CRTAC1: variants seen among roughly 807,000 people sequenced by gnomAD.
The protein encoded by CRTAC1 is cartilage acidic protein 1.
In CRTAC1, 37 loss-of-function variants were observed where a neutral mutation model predicts 67.8. That is an observed-to-expected ratio of 0.55 (90% CI 0.42 to 0.72). The LOEUF (loss-of-function observed/expected upper bound fraction) is 0.72. Ranked by LOEUF, CRTAC1 falls within the 30% of genes least tolerant of loss-of-function variation. CRTAC1 has a pLI of 0.00. For missense variants in CRTAC1, 780 were observed against 931.6 expected (o/e 0.84, Z 2.12); for synonymous variants, 348 against 371.0 (o/e 0.94, Z 0.71).
chr10:97,919,771 C>CT lies in CRTAC1; in HGVS notation c.559-2116dup, dbSNP rs769852925. Among the ~76,000 whole-genome samples, 157 of 106,308 alleles carry CT rather than the reference C, an allele frequency of 1.5e-3. 5 individuals are homozygous for CT. The highest frequency in any genetic ancestry group is 2.3e-3 in the African/African-American group (63 of 27,696). 69.7% of individuals were successfully genotyped at this position (106,308 alleles called of 152,430 possible). On this transcript the variant is annotated intron_variant, in intron 4 of 14. Transcript: ENST00000370597. ...GAGATGCACTGCTTTACAGTACAGC[C>CT]TTTTTTTTTTTTTTTAAGACAGGGT...
chr10:97,879,181 CAA>C (rs1451798726), intron 14 of CRTAC1, among the ~76,000 whole-genome samples: 1 of 152,120 alleles, frequency 6.6e-6, no homozygotes, highest in African/African-American at 2.4e-5. Flanking sequence ...ACATTTTTAT[CAA>C]GAGTCCCAAA....
At chr10:97,990,852 A>C (rs563005282) in intron 2 of CRTAC1, among the ~76,000 whole-genome samples, 1 of 152,338 alleles carries the variant, frequency 6.6e-6, no homozygotes, top group South Asian at 2.1e-4. Flanking sequence ...ATAGGAAACT[A>C]AGTAAAATAC....
chr10:97,942,647 T>A (rs775587196), intron 2 of CRTAC1, among the ~76,000 whole-genome samples: 106 of 152,078 alleles, frequency 7.0e-4, no homozygotes, highest in Admixed American at 1.3e-3. Context: ...AATTTACATA[T>A]GACATTTCAT....
intron 5 of CRTAC1, among the ~76,000 whole-genome samples, chr10:97,916,168 C>G (rs2050756530): frequency 6.6e-6 from 1 of 151,678 alleles, no homozygotes; most frequent in Non-Finnish European, 1.5e-5. Flanking sequence ...GTGCACCCCC[C>G]TTCCCTTGCA....
At chr10:98,002,486 T>A (rs1233465994) in intron 2 of CRTAC1, among the ~76,000 whole-genome samples, 3 of 152,138 alleles carry the variant, frequency 2.0e-5, no homozygotes, top group Admixed American at 6.5e-5. Flanking sequence ...AAATGCCACC[T>A]CCAGACCTCT....
intron 2 of CRTAC1, among the ~76,000 whole-genome samples, chr10:97,951,572 T>G (rs967344120): frequency 6.6e-6 from 1 of 152,196 alleles, no homozygotes; most frequent in Non-Finnish European, 1.5e-5. Context: ...ATGTTGTGTG[T>G]TAAGTATTAA....
At chr10:97,901,390 C>T in intron 8 of CRTAC1, 113 bp downstream of exon 8, 1 of 1,326,886 alleles carries the variant, frequency 7.5e-7, no homozygotes, top group African/African-American at 1.4e-5. Flanking sequence ...TGACCTTGGC[C>T]TGACCCCCTG....
chr10:97,918,417 AT>A (rs1158633786), intron 4 of CRTAC1, among the ~76,000 whole-genome samples: 2 of 151,564 alleles, frequency 1.3e-5, no homozygotes, highest in African/African-American at 4.9e-5. Flanking sequence ...TAATGGTGCT[AT>A]TTCTTCAATG....
intron 2 of CRTAC1, among the ~76,000 whole-genome samples, chr10:97,942,809 G>A (rs1200398235): frequency 6.6e-6 from 1 of 151,668 alleles, no homozygotes; most frequent in African/African-American, 2.4e-5. Context: ...GCTCATGCCT[G>A]TAATCCCAGC....
At chr10:97,888,492 G>T (rs142727913) in intron 11 of CRTAC1, among the ~76,000 whole-genome samples, 45 of 151,894 alleles carry the variant, frequency 3.0e-4, no homozygotes, top group East Asian at 2.7e-3. Flanking sequence ...TGTATCAGAG[G>T]AGACTGGGGA....
chr10:97,970,683 A>C (rs1590249940), intron 2 of CRTAC1, among the ~76,000 whole-genome samples: 2 of 152,084 alleles, frequency 1.3e-5, no homozygotes, highest in African/African-American at 4.8e-5. Context: ...TCTCCTTAGC[A>C]CTTATGCCAT....
Position 97,933,234 on chromosome 10 carries a change from A to G in CRTAC1, c.421+2936T>C, listed in dbSNP as rs998075635. Among the ~76,000 whole-genome samples the G allele has an allele frequency of 4.6e-5, 7 of 152,340 alleles. No individual in the cohort carries two copies. In the East Asian group the frequency reaches 1.3e-3, roughly 29 times the overall value. ...ATGGGATCACTCAACTGAAAAATTA[A>G]CTAAAACCGACAGACATCCCTCAAA... On this transcript the variant is annotated intron_variant, in intron 3 of 14. Coordinates refer to ENST00000370597, the MANE Select transcript of CRTAC1 (RefSeq NM_018058.7).
At chr10:97,914,651 G>A (rs979045191) in intron 5 of CRTAC1, among the ~76,000 whole-genome samples, 1 of 152,194 alleles carries the variant, frequency 6.6e-6, no homozygotes, top group African/African-American at 2.4e-5. Context: ...CTGGACCGCG[G>A]AGGCAGTGCA....
chr10:97,922,256 C>T (rs1389690338), intron 4 of CRTAC1, among the ~76,000 whole-genome samples: 2 of 152,210 alleles, frequency 1.3e-5, no homozygotes, highest in Non-Finnish European at 2.9e-5. Flanking sequence ...GGCTTCACAG[C>T]CCAGCTTGGC....
At chr10:97,984,761 T>C (rs1467763075) in intron 2 of CRTAC1, among the ~76,000 whole-genome samples, 3 of 152,140 alleles carry the variant, frequency 2.0e-5, no homozygotes, top group African/African-American at 4.8e-5. Flanking sequence ...TGGGATTCTT[T>C]GATTGTAAGC....
chr10:97,931,304 G>A (rs2051000433), intron 3 of CRTAC1, among the ~76,000 whole-genome samples: 1 of 152,176 alleles, frequency 6.6e-6, no homozygotes, highest in Non-Finnish European at 1.5e-5. Flanking sequence ...AACTACACAT[G>A]TATATTCATT....
rs750313739 is a variant in CRTAC1, at chr10:97,884,282, C to T, written c.1556G>A (p.Ser519Asn). ...DGKMVSRNVA[S>N]GEMNSVLEIL... is the part of the protein sequence containing the mutation. ...CTCCAGCACTGAGTTCATCTCCCCGCTGGCCACGTTCCGGCTCACCATCTT... is the reference window on the plus strand; with the variant it reads ...CTCCAGCACTGAGTTCATCTCCCCGTTGGCCACGTTCCGGCTCACCATCTT... The change falls in exon 12 of 15, where the codon AGC becomes AAC. Residue 519 changes from serine (S) to asparagine (N), a missense_variant. Coordinates refer to ENST00000370597, the MANE Select transcript of CRTAC1 (RefSeq NM_018058.7). 3 of 1,557,830 alleles carry T rather than the reference C, an allele frequency of 1.9e-6. No homozygotes were observed. The South Asian group carries it at 3.5e-5, about 18-fold the overall frequency.
At chr10:97,872,094 C>T (rs1285666376) in intron 14 of CRTAC1, among the ~76,000 whole-genome samples, 1 of 152,106 alleles carries the variant, frequency 6.6e-6, no homozygotes, top group African/African-American at 2.4e-5. Flanking sequence ...GGCAGGGAGC[C>T]TGTCTTACTC....
intron 5 of CRTAC1, among the ~76,000 whole-genome samples, chr10:97,915,512 T>C (rs2050745958): frequency 1.3e-5 from 2 of 152,156 alleles, no homozygotes; most frequent in Admixed American, 6.5e-5. Flanking sequence ...TCCCAGCTTC[T>C]CAGGCCCCCT....
Sources: gnomAD v4.1 joint callset for allele counts (sites outside exome capture counted in the v4.1 genomes callset) on GRCh38, gnomAD v4.1.1 for gene constraint, MANE v1.5 for transcripts, NCBI Gene and HGNC (gene_info 2026-07-23, HGNC 2026-07-21) for gene names.